USH2A: variants seen among roughly 807,000 people sequenced by gnomAD.
USH2A encodes the protein Usher syndrome 2A (autosomal recessive, mild).
Under a neutral mutation model 538.9 loss-of-function variants are expected in USH2A, and 443 were observed. The ratio of observed to expected loss-of-function variants is 0.82; its 90% confidence interval spans 0.76 to 0.89. The LOEUF is 0.89. Ranked by LOEUF, USH2A falls within the 40% of genes least tolerant of loss-of-function variation. USH2A has a pLI of 0.00. For synonymous variants in USH2A, 2,413 were observed against 2,273.5 expected (o/e 1.06, Z -1.75); for missense variants, 6,633 against 6,324.8 (o/e 1.05, Z -1.65).
intron 61 of USH2A, among the ~76,000 whole-genome samples, chr1:215,725,426 A>G (rs1444328841): frequency 6.6e-6 from 1 of 152,220 alleles, no homozygotes; most frequent in African/African-American, 2.4e-5. Flanking sequence ...GTGTCAGATC[A>G]TAAAGAGTCA....
At chr1:216,136,770 C>T (rs182600555) in intron 21 of USH2A, among the ~76,000 whole-genome samples, 4 of 152,128 alleles carry the variant, frequency 2.6e-5, no homozygotes, top group Admixed American at 2.0e-4. Flanking sequence ...AAAGAAAATG[C>T]CATGTGACAA....
chr1:215,840,709 G>A (rs1396111209), intron 46 of USH2A, among the ~76,000 whole-genome samples: 2 of 152,174 alleles, frequency 1.3e-5, no homozygotes, highest in Non-Finnish European at 2.9e-5. Context: ...AGCACACAGT[G>A]TTCTCACTTC....
intron 32 of USH2A, among the ~76,000 whole-genome samples, chr1:216,034,014 A>C (rs1020640173): frequency 1.3e-5 from 2 of 152,212 alleles, no homozygotes; most frequent in African/African-American, 4.8e-5. Context: ...ATTCAGTTTT[A>C]AGGAGTTGGA....
chr1:216,386,115 C>A (rs375577201), intron 3 of USH2A, among the ~76,000 whole-genome samples: 1 of 152,140 alleles, frequency 6.6e-6, no homozygotes, highest in African/African-American at 2.4e-5. Context: ...ACAGTACAGT[C>A]CTGTACATAG....
At chr1:215,732,501 C>T (rs1471876444) in intron 60 of USH2A, among the ~76,000 whole-genome samples, 2 of 149,472 alleles carry the variant, frequency 1.3e-5, no homozygotes, top group Admixed American at 6.7e-5. Context: ...AATTCTCTGG[C>T]AATATCCCTC....
intron 47 of USH2A, 130 bp from the exon 48 acceptor site, chr1:215,817,325 T>G: frequency 2.3e-6 from 1 of 442,220 alleles, no homozygotes; most frequent in Non-Finnish European, 3.4e-6. Flanking sequence ...ATATATGAAA[T>G]CATATATTTT....
At chr1:215,727,750 A>C in intron 61 of USH2A, among the ~76,000 whole-genome samples, 1 of 152,092 alleles carries the variant, frequency 6.6e-6, no homozygotes, top group East Asian at 1.9e-4. Flanking sequence ...CCACTTAGTA[A>C]ATATGGAAAA....
At chr1:216,392,298 A>C (rs985546368) in intron 3 of USH2A, among the ~76,000 whole-genome samples, 3 of 152,008 alleles carry the variant, frequency 2.0e-5, no homozygotes, top group African/African-American at 7.3e-5. Flanking sequence ...GGAAATCCCG[A>C]CCATCCTGAC....
At chr1:216,380,703 T>A (rs1370416600) in intron 3 of USH2A, among the ~76,000 whole-genome samples, 1 of 152,144 alleles carries the variant, frequency 6.6e-6, no homozygotes, top group East Asian at 1.9e-4. Flanking sequence ...TAGAAGAGAC[T>A]GTAAAGTACT....
At position 215,770,425 on chromosome 1, in the gene USH2A, G is replaced by A. The variant is rs1026052732; in HGVS notation, c.10940-3637C>T. ...TAGTTGCTCAAAACGAAAAAAAAAAGTTAAAAGAATGTAGTTCAAACACCA... is the reference window on the plus strand; with the variant it reads ...TAGTTGCTCAAAACGAAAAAAAAAAATTAAAAGAATGTAGTTCAAACACCA... On this transcript the variant is annotated intron_variant, in intron 55 of 71. Transcript: ENST00000307340. 4.4e-4 allele frequency among the ~76,000 whole-genome samples: 66 copies of A among 151,560 alleles called. 1 individual carries two copies. Among genetic ancestry groups the A allele is most frequent in the African/African-American group, 1.6e-3 (65 of 41,266 alleles).
At chr1:216,095,215 C>G (rs538592380) in intron 22 of USH2A, among the ~76,000 whole-genome samples, 61 of 151,890 alleles carry the variant, frequency 4.0e-4, no homozygotes, top group Admixed American at 1.7e-3. Flanking sequence ...GCTTTTTGTT[C>G]TCCTTCCGAT....
chr1:216,167,607 T>G (rs2034196785), intron 21 of USH2A, among the ~76,000 whole-genome samples: 1 of 152,040 alleles, frequency 6.6e-6, no homozygotes, highest in African/African-American at 2.4e-5. Context: ...AAGGGAAGAA[T>G]CAGGGGAGAA....
intron 32 of USH2A, among the ~76,000 whole-genome samples, chr1:216,041,685 A>T (rs980516061): frequency 6.6e-6 from 1 of 152,080 alleles, no homozygotes; most frequent in Non-Finnish European, 1.5e-5. Context: ...AAAACAGGAT[A>T]GCTCGTGGAG....
At chr1:216,085,184 C>A in intron 24 of USH2A, 1 of 313,684 alleles carries the variant, frequency 3.2e-6, no homozygotes, top group Non-Finnish European at 6.0e-6. Context: ...CCACTAGCCT[C>A]AAAAATAAAG....
chr1:215,816,256 G>A (rs1054662863), intron 48 of USH2A, among the ~76,000 whole-genome samples: 3 of 151,994 alleles, frequency 2.0e-5, no homozygotes, highest in Non-Finnish European at 4.4e-5. Context: ...TAGAGTCTAA[G>A]TATCAAAAAA....
chr1:215,746,630 T>C (rs894395287), intron 58 of USH2A, among the ~76,000 whole-genome samples: 2 of 152,248 alleles, frequency 1.3e-5, no homozygotes, highest in African/African-American at 4.8e-5. Context: ...AATGTATGTA[T>C]AGCTCATATT....
At chr1:216,073,327 G>C in intron 27 of USH2A, 27 bp from the exon 28 acceptor site, 3 of 1,527,402 alleles carry the variant, frequency 2.0e-6, no homozygotes, top group Non-Finnish European at 2.6e-6. Flanking sequence ...GATTAGTATC[G>C]CATAAAGGGC....
rs1013834350 is a variant in USH2A, at chr1:215,786,563, T to C, written c.10387+107A>G. 1.8e-5 allele frequency: 22 copies of C among 1,225,124 alleles called. No homozygotes were observed. In the African/African-American group the frequency reaches 2.4e-4, roughly 13 times the overall value. The allele number at this position is 1,225,124 out of a possible 1,614,324, so 75.9% of individuals were successfully genotyped here. On this transcript the variant is annotated intron_variant, in intron 52 of 71. Coordinates refer to ENST00000307340, the MANE Select transcript of USH2A (RefSeq NM_206933.4). ...GGCCTCAAAGTATGATGGAATGTACTGATATCAGTTTAAGGAGAGTTGATG... is the reference window on the plus strand; with the variant it reads ...GGCCTCAAAGTATGATGGAATGTACCGATATCAGTTTAAGGAGAGTTGATG...
chr1:215,987,909 G>A (rs1347551170), intron 35 of USH2A, among the ~76,000 whole-genome samples: 4 of 151,214 alleles, frequency 2.6e-5, no homozygotes, highest in Admixed American at 6.6e-5. Context: ...CATACTTCAT[G>A]CATAGATCTC....
Sources: gnomAD v4.1 joint callset for allele counts (sites outside exome capture counted in the v4.1 genomes callset) on GRCh38, gnomAD v4.1.1 for gene constraint, MANE v1.5 for transcripts, NCBI Gene and HGNC (gene_info 2026-07-23, HGNC 2026-07-21) for gene names.